Variants in NHS observed in about 807,000 individuals in gnomAD.
NHS encodes the protein NHS actin remodeling regulator.
NHS carries 5 observed loss-of-function variants against 72.5 expected under a neutral mutation model. That is an observed-to-expected ratio of 0.07 (90% CI 0.04 to 0.14). NHS has a LOEUF of 0.14. Among genes scored for constraint, NHS ranks in the 10% least tolerant of loss-of-function variants. The pLI, the probability that NHS is intolerant of heterozygous loss-of-function variation, is 1.00. For synonymous variants in NHS, 464 were observed against 547.7 expected (o/e 0.85, Z 2.13); for missense variants, 1,072 against 1,355.7 (o/e 0.79, Z 3.29).
chrX:17,660,558 G>A (rs1416053307), intron 1 of NHS, among the ~76,000 whole-genome samples: 1 of 112,407 alleles, frequency 8.9e-6, no homozygotes, highest in Non-Finnish European at 1.9e-5. Context: ...CTGCAGGCAA[G>A]GTTCAGCTGG....
chrX:17,464,023 T>C (rs887765211), intron 1 of NHS, among the ~76,000 whole-genome samples: 3 of 112,076 alleles, frequency 2.7e-5, no homozygotes, highest in African/African-American at 9.7e-5. Flanking sequence ...TTGTAGCCAA[T>C]TTTTACACAG....
At chrX:17,709,881 AG>A (rs1282733175) in intron 3 of NHS, among the ~76,000 whole-genome samples, 1 of 111,415 alleles carries the variant, frequency 9.0e-6, no homozygotes, top group Middle Eastern at 4.2e-3. Flanking sequence ...GCTGGAATCT[AG>A]AAAGGGGTAC....
intron 1 of NHS, among the ~76,000 whole-genome samples, chrX:17,656,284 C>T (rs1484093191): frequency 1.8e-5 from 2 of 113,527 alleles, no homozygotes; most frequent in Admixed American, 9.2e-5. Flanking sequence ...CCTGAGCGGG[C>T]GCCAGGGGAG....
chrX:17,504,491 C>T (rs1403596339), intron 1 of NHS, among the ~76,000 whole-genome samples: 1 of 112,519 alleles, frequency 8.9e-6, no homozygotes, highest in Non-Finnish European at 1.9e-5. Flanking sequence ...CAGTTCCATG[C>T]CAGCTAGAGA....
rs560815936 is a variant in NHS, at chrX:17,464,156, A to G, written c.565+87834A>G. Among the ~76,000 whole-genome samples, 186 of 111,696 alleles carry G rather than the reference A, an allele frequency of 1.7e-3. 1 individual carries two copies. In the South Asian group the frequency reaches 0.02, roughly 12 times the overall value. Reference sequence around the variant, plus strand: ...TTCTAGTTTCCATGGGTAGCCTTGGAGAGAATGGGACTGAGAGATAGAGGC... The same window carrying G: ...TTCTAGTTTCCATGGGTAGCCTTGGGGAGAATGGGACTGAGAGATAGAGGC... On this transcript the variant is annotated intron_variant, in intron 1 of 8. Transcript: ENST00000676302.
At chrX:17,447,785 G>A (rs201394077) in intron 1 of NHS, among the ~76,000 whole-genome samples, 31 of 89,656 alleles carry the variant, frequency 3.5e-4, no homozygotes, top group East Asian at 7.5e-4. Flanking sequence ...ACACACACAC[G>A]CACACACACA....
At chrX:17,476,042 G>A (rs367587808) in intron 1 of NHS, among the ~76,000 whole-genome samples, 37 of 111,976 alleles carry the variant, frequency 3.3e-4, no homozygotes, top group African/African-American at 1.1e-3. Context: ...GGAGGATGGG[G>A]GTGGGTGAGA....
intron 1 of NHS, among the ~76,000 whole-genome samples, chrX:17,507,805 T>C (rs1166523001): frequency 9.0e-6 from 1 of 111,516 alleles, no homozygotes; most frequent in Non-Finnish European, 1.9e-5. Context: ...CCCTTTTTAT[T>C]AGGAGTCAAG....
chrX:17,642,252 A>G (rs141031800), intron 1 of NHS, among the ~76,000 whole-genome samples: 119 of 112,270 alleles, frequency 1.1e-3, no homozygotes, highest in African/African-American at 3.8e-3. Context: ...GACCTAGGGT[A>G]TATCTTTCTA....
At position 17,723,770 on chromosome X, in the gene NHS, T is replaced by TGTGTGTGTGTGC. The variant is rs541219770; in HGVS notation, c.1109-528_1109-527insTGTGTGTGTGCG. 4.4e-3 allele frequency among the ~76,000 whole-genome samples: 404 copies of TGTGTGTGTGTGC among 91,264 alleles called. 4 individuals carry two copies. Among genetic ancestry groups the TGTGTGTGTGTGC allele is most frequent in the African/African-American group, 8.9e-3 (176 of 19,780 alleles). The allele number at this position is 91,264 out of a possible 115,157, so 79.3% of individuals were successfully genotyped here. ...GTGTGTGTGTGTGTGTGTGTGTGTG[T>TGTGTGTGTGTGC]GCGCGCGCGTGCGCGCATGGGGAAT... On this transcript the variant is annotated intron_variant, in intron 5 of 8. Coordinates refer to ENST00000676302, the MANE Select transcript of NHS (RefSeq NM_001291867.2).
intron 1 of NHS, among the ~76,000 whole-genome samples, chrX:17,467,539 C>G (rs747306248): frequency 1.1e-4 from 12 of 112,092 alleles, no homozygotes; most frequent in Non-Finnish European, 2.1e-4. Context: ...GTTTACCATT[C>G]CTTCAAATTA....
chrX:17,578,902 G>A (rs2065526588), intron 1 of NHS, among the ~76,000 whole-genome samples: 1 of 111,549 alleles, frequency 9.0e-6, no homozygotes, highest in South Asian at 3.8e-4. Flanking sequence ...CGCTTTATTG[G>A]AGTCAAAGGA....
chrX:17,556,752 A>G (rs1265450294), intron 1 of NHS, among the ~76,000 whole-genome samples: 1 of 112,041 alleles, frequency 8.9e-6, no homozygotes. Context: ...CAGTAGCATT[A>G]TCATTGTCAG....
intron 3 of NHS, among the ~76,000 whole-genome samples, chrX:17,695,802 A>G (rs372729108): frequency 9.9e-5 from 11 of 110,917 alleles, no homozygotes; most frequent in African/African-American, 3.0e-4. Flanking sequence ...GGACAAGCCA[A>G]TTTAGCATAA....
At chrX:17,578,156 G>C (rs5955612) in intron 1 of NHS, among the ~76,000 whole-genome samples, 6,647 of 112,218 alleles carry the variant, frequency 0.059, 447 homozygotes, top group African/African-American at 0.2. Context: ...GGCTATAACA[G>C]CTTCTCTGAA....
intron 1 of NHS, among the ~76,000 whole-genome samples, chrX:17,662,727 G>A (rs2065988130): frequency 9.0e-6 from 1 of 111,681 alleles, no homozygotes; most frequent in Admixed American, 9.5e-5. Flanking sequence ...TAAAAGTGAT[G>A]AAAGATATAA....
intron 1 of NHS, among the ~76,000 whole-genome samples, chrX:17,384,893 T>TA (rs1436044119): frequency 1.8e-5 from 2 of 112,275 alleles, no homozygotes; most frequent in Non-Finnish European, 3.8e-5. Context: ...GACATTCTAT[T>TA]AAAAAATCAT....
intron 1 of NHS, among the ~76,000 whole-genome samples, chrX:17,581,642 C>T (rs748580352): frequency 8.9e-6 from 1 of 111,794 alleles, no homozygotes; most frequent in Non-Finnish European, 1.9e-5. Flanking sequence ...ATTCTCCACT[C>T]TGTGCTTTCT....
chrX:17,514,580 A>G (rs1204763285), intron 1 of NHS, among the ~76,000 whole-genome samples: 1 of 112,091 alleles, frequency 8.9e-6, no homozygotes, highest in Non-Finnish European at 1.9e-5. Context: ...TTCAGCCTGC[A>G]GAAGGCCTAT....
Sources: gnomAD v4.1 joint callset for allele counts (sites outside exome capture counted in the v4.1 genomes callset) on GRCh38, gnomAD v4.1.1 for gene constraint, MANE v1.5 for transcripts, NCBI Gene and HGNC (gene_info 2026-07-23, HGNC 2026-07-21) for gene names.